RPL18A: variants seen among roughly 807,000 people sequenced by gnomAD.
The protein encoded by RPL18A is large ribosomal subunit protein eL20.
For missense variants in RPL18A, 163 were observed against 254.1 expected (o/e 0.64, Z 2.44); for synonymous variants, 122 against 96.9 (o/e 1.26, Z -1.52).
In RPL18A at chr19:17,862,921, G is replaced by A. The variant is rs373906072; in HGVS notation, c.332G>A (p.Arg111Gln). ...TTAGAVTQCY[R>Q]DMGARHRARA... The stretch of plus-strand genomic sequence containing the variant: ...CTGGCCCCGCTCCTTTCCACAGACC[G>A]AGACATGGGTGCCCGGCACCGCGCC... Residue 111 changes from arginine (R) to glutamine (Q), a missense_variant, in exon 4 of 5, where the codon CGA becomes CAA. Coordinates refer to ENST00000222247, the MANE Select transcript of RPL18A (RefSeq NM_000980.4). 19 of 1,610,104 alleles carry A rather than the reference G, an allele frequency of 1.2e-5. No individual in the cohort carries two copies. Among genetic ancestry groups the A allele is most frequent in the South Asian group, 5.5e-5 (5 of 90,994 alleles).
rs777434270 is a variant in RPL18A, at chr19:17,862,973, G to C, written c.384G>C (p.Lys128Asn). The C allele has an allele frequency of 6.2e-7, 1 of 1,612,578 alleles. No individual in the cohort carries two copies. Among genetic ancestry groups the C allele is most frequent in the South Asian group, 1.1e-5 (1 of 91,014 alleles). ...GAGCCCACTCCATTCAGATCATGAA[G>C]GTGGAGGAGATCGCGGCCAGCAAGT... is the stretch of plus-strand genomic sequence containing the variant. ...RARAHSIQIMKVEEIAASKCR... is the reference protein window; with the variant it reads ...RARAHSIQIMNVEEIAASKCR... The change falls in exon 4 of 5, where the codon AAG (lysine) becomes AAC (asparagine). Residue 128 changes from lysine to asparagine, a missense_variant. By Grantham distance (94) the Lys-to-Asn change is moderately conservative. Coordinates refer to ENST00000222247, the MANE Select transcript of RPL18A (RefSeq NM_000980.4).
intron 3 of RPL18A, 92 bp from the exon 4 acceptor site, chr19:17,862,826 A>C: frequency 1.2e-6 from 1 of 860,846 alleles, no homozygotes; most frequent in Non-Finnish European, 2.0e-6. Context: ...GACCAACAGG[A>C]TGTGTCAGGT....
At chr19:17,861,923 C>T (rs1171612905) in intron 2 of RPL18A, 171 bp from the exon 3 acceptor site, 3 of 726,046 alleles carry the variant, frequency 4.1e-6, no homozygotes, top group Non-Finnish European at 6.6e-6. Flanking sequence ...ACCTCACGCT[C>T]CCTGAGGATG....
chr19:17,863,013 G>C lies in RPL18A; in HGVS notation c.424G>C (p.Val142Leu), dbSNP rs776543466. The C allele has an allele frequency of 3.1e-6, 5 of 1,611,744 alleles. No individual in the cohort carries two copies. The highest frequency in any genetic ancestry group is 4.2e-6 in the Non-Finnish European group (5 of 1,178,652). The change falls in exon 4 of 5, where the codon GTC becomes CTC. Residue 142 changes from valine to leucine, a missense_variant. By Grantham distance (32) the Val-to-Leu change is conservative. Transcript: ENST00000222247. ...IAASKCRRPA[V>L]KQFHDSKIKF... is the part of the protein sequence containing the mutation. Reference sequence around the variant, plus strand: ...GGCCAGCAAGTGCCGCCGGCCGGCTGTCAAGCAGTTCCACGTGAGTGCCCT... The same window carrying C: ...GGCCAGCAAGTGCCGCCGGCCGGCTCTCAAGCAGTTCCACGTGAGTGCCCT...
intron 1 of RPL18A, 96 bp from the exon 2 acceptor site, chr19:17,861,197 C>G: frequency 1.6e-6 from 2 of 1,212,142 alleles, no homozygotes; most frequent in Non-Finnish European, 2.4e-6. Flanking sequence ...TCCTGCTTCC[C>G]GAATCTGTGG....
intron 1 of RPL18A, 82 bp downstream of exon 1, chr19:17,860,056 G>A: frequency 7.8e-7 from 1 of 1,287,644 alleles, no homozygotes. Flanking sequence ...CGTGGGCCGG[G>A]TTGGTGCCGC....
At position 17,862,993 on chromosome 19, in the gene RPL18A, G is replaced by A. The variant is rs376777576; in HGVS notation, c.404G>A (p.Ser135Asn). 1.9e-6 allele frequency: 3 copies of A among 1,612,144 alleles called. No individual in the cohort carries two copies. The highest frequency in any genetic ancestry group is 2.5e-6 in the Non-Finnish European group (3 of 1,179,356). Residue 135 changes from serine to asparagine, a missense_variant, in exon 4 of 5, where the codon AGC (serine) becomes AAC (asparagine). By Grantham distance (46) the Ser-to-Asn change is conservative. Coordinates refer to ENST00000222247, the MANE Select transcript of RPL18A (RefSeq NM_000980.4). ...ATGAAGGTGGAGGAGATCGCGGCCA[G>A]CAAGTGCCGCCGGCCGGCTGTCAAG... Reference protein sequence around the residue: ...QIMKVEEIAASKCRRPAVKQF... With the variant: ...QIMKVEEIAANKCRRPAVKQF...
rs2094277178 is a variant in RPL18A, at chr19:17,861,489, GCTACGTGGGGT to G, written c.198+20_198+30del. The stretch of plus-strand genomic sequence containing the variant: ...TGTGGGCAGGTATGGAGAGGCCGGG[GCTACGTGGGGT>G]CTGGAGTGGATTTGCGCCTCTTGGG... On this transcript the variant is annotated intron_variant, in intron 2 of 4. Coordinates refer to ENST00000222247, the MANE Select transcript of RPL18A (RefSeq NM_000980.4). 6.4e-7 allele frequency: 1 copy of G among 1,560,696 alleles called. No individual in the cohort carries two copies. The highest frequency in any genetic ancestry group is 1.4e-5 in the African/African-American group (1 of 73,904).
At chr19:17,861,980 A>C (rs944802401) in intron 2 of RPL18A, 114 bp from the exon 3 acceptor site, 1 of 1,256,018 alleles carries the variant, frequency 8.0e-7, no homozygotes, top group Non-Finnish European at 1.1e-6. Context: ...GAGTCTGGCC[A>C]TAGAGTAGGC....
At chr19:17,862,615 T>G in intron 3 of RPL18A, 3 of 709,378 alleles carry the variant, frequency 4.2e-6, no homozygotes, top group Non-Finnish European at 7.8e-6. Flanking sequence ...GAATCACTGT[T>G]TCTTATAGCG....
chr19:17,862,828 G>C, intron 3 of RPL18A, 90 bp from the exon 4 acceptor site: 2 of 866,086 alleles, frequency 2.3e-6, no homozygotes, highest in Non-Finnish European at 3.9e-6. Context: ...CCAACAGGAT[G>C]TGTCAGGTCA....
chr19:17,862,646 A>G (rs756050187), intron 3 of RPL18A: 3 of 737,270 alleles, frequency 4.1e-6, no homozygotes, highest in East Asian at 2.6e-5. Context: ...CAGAGGTGCA[A>G]ACAGCAAGCG....
chr19:17,859,922 C>T lies in RPL18A; in HGVS notation c.-35C>T, dbSNP rs777141452. The T allele has an allele frequency of 9.4e-5, 145 of 1,543,592 alleles. No homozygotes were observed. The highest frequency in any genetic ancestry group is 5.1e-4 in the African/African-American group (37 of 71,872). ...ACGGCTGCGCGACAGAGGACACTTC[C>T]TTTTGCGGGTGGCGGCGAACGCGGA... On this transcript the variant is annotated 5_prime_UTR_variant, in exon 1 of 5. Coordinates refer to ENST00000222247, the MANE Select transcript of RPL18A (RefSeq NM_000980.4).
chr19:17,862,339 A>G, intron 3 of RPL18A, 116 bp downstream of exon 3: 1 of 1,304,780 alleles, frequency 7.7e-7, no homozygotes, highest in Non-Finnish European at 1.1e-6. Context: ...GTGGCGGGGC[A>G]CAGGAAGACA....
At chr19:17,861,642 C>G in intron 2 of RPL18A, 170 bp downstream of exon 2, 6 of 624,440 alleles carry the variant, frequency 9.6e-6, no homozygotes, top group Middle Eastern at 4.3e-4. Context: ...GGTCACGGGA[C>G]TGGAGCAGAG....
chr19:17,862,936 G>A lies in RPL18A; in HGVS notation c.347G>A (p.Arg116Gln). 2 of 1,611,304 alleles carry A rather than the reference G, an allele frequency of 1.2e-6. No individual in the cohort carries two copies. Among genetic ancestry groups the A allele is most frequent in the Non-Finnish European group, 8.5e-7 (1 of 1,178,964 alleles). The change falls in exon 4 of 5, where the codon CGG (arginine) becomes CAG (glutamine). Residue 116 changes from arginine to glutamine, a missense_variant. Coordinates refer to ENST00000222247, the MANE Select transcript of RPL18A (RefSeq NM_000980.4). ...VTQCYRDMGA[R>Q]HRARAHSIQI... Reference sequence around the variant, plus strand: ...TCCACAGACCGAGACATGGGTGCCCGGCACCGCGCCCGAGCCCACTCCATT... The same window carrying A: ...TCCACAGACCGAGACATGGGTGCCCAGCACCGCGCCCGAGCCCACTCCATT...
rs2094273996 is a variant in RPL18A, at chr19:17,859,953, C to T, written c.-4C>T. 6.5e-6 allele frequency: 10 copies of T among 1,540,920 alleles called. No individual in the cohort carries two copies. The highest frequency in any genetic ancestry group is 7.0e-6 in the Non-Finnish European group (8 of 1,144,456). On this transcript the variant is annotated 5_prime_UTR_variant, in exon 1 of 5. In the 5' UTR this introduces an upstream ATG that the reference lacks. Coordinates refer to ENST00000222247, the MANE Select transcript of RPL18A (RefSeq NM_000980.4). ...CGGGTGGCGGCGAACGCGGAGAGCA[C>T]GCCATGAAGGCCTCGGGCACGGTAA...
intron 2 of RPL18A, chr19:17,861,811 G>C: frequency 1.8e-6 from 1 of 545,646 alleles, no homozygotes; most frequent in Non-Finnish European, 3.3e-6. Flanking sequence ...GGTTGGCCCA[G>C]ACAGGTTCCA....
At chr19:17,862,474 C>G in intron 3 of RPL18A, 3 of 678,638 alleles carry the variant, frequency 4.4e-6, no homozygotes, top group Middle Eastern at 4.1e-4. Context: ...ATCCACATCA[C>G]CACTGTTTTC....
Sources: gnomAD v4.1 joint callset for allele counts on GRCh38, gnomAD v4.1.1 for gene constraint, MANE v1.5 for transcripts, NCBI Gene and HGNC (gene_info 2026-07-23, HGNC 2026-07-21) for gene names.